SLC41A2: variants seen among roughly 807,000 people sequenced by gnomAD.
SLC41A2 encodes solute carrier family 41 member 2, also known as SLC41A1-like 1.
SLC41A2 carries 32 observed loss-of-function variants against 58.3 expected under a neutral mutation model. That is an observed-to-expected ratio of 0.55 (90% CI 0.41 to 0.74). The LOEUF is 0.74. Among genes scored for constraint, SLC41A2 ranks in the 30% least tolerant of loss-of-function variants. SLC41A2 has a pLI of 0.00. For missense variants in SLC41A2, 514 were observed against 680.6 expected, an observed-to-expected ratio of 0.76 and a Z score of 2.72; for synonymous variants, 190 against 235.0, an observed-to-expected ratio of 0.81 and a Z score of 1.75.
intron 10 of SLC41A2, among the ~76,000 whole-genome samples, chr12:104,829,715 A>T (rs781700110): frequency 6.6e-6 from 1 of 152,130 alleles, no homozygotes; most frequent in Non-Finnish European, 1.5e-5. Context: ...TCCAAGCAAC[A>T]GCCTTTAGCC....
At chr12:104,954,614 A>G (rs2048077332) in intron 1 of SLC41A2, among the ~76,000 whole-genome samples, 1 of 152,256 alleles carries the variant, frequency 6.6e-6, no homozygotes, top group African/African-American at 2.4e-5. Flanking sequence ...TACGTTTGAT[A>G]ATAATTTCAT....
In SLC41A2 at chr12:104,853,926, T is replaced by TTTATTTTTA. The variant is rs1565842738; in HGVS notation, c.1255+7364_1255+7365insTAAAAATAA. Among the ~76,000 whole-genome samples, 14 of 118,850 alleles carry TTTATTTTTA rather than the reference T, an allele frequency of 1.2e-4. 1 individual carries two copies. Among genetic ancestry groups the TTTATTTTTA allele is most frequent in the African/African-American group, 4.0e-4 (13 of 32,480 alleles). The allele number at this position is 118,850 out of a possible 152,430, so 78.0% of individuals were successfully genotyped here. On this transcript the variant is annotated intron_variant, in intron 8 of 10. Coordinates refer to ENST00000258538, the MANE Select transcript of SLC41A2 (RefSeq NM_001352171.3). ...TGCCTGGCTGATTTTTTTTTTTTTTTTTTTTTTTTTTTTAGTAGAACTGAG... is the reference window on the plus strand; with the variant it reads ...TGCCTGGCTGATTTTTTTTTTTTTTTTTATTTTTATTTTTTTTTTTTTAGTAGAACTGAG...
chr12:104,955,867 T>C (rs2048147753), intron 1 of SLC41A2, among the ~76,000 whole-genome samples: 1 of 152,122 alleles, frequency 6.6e-6, no homozygotes, highest in African/African-American at 2.4e-5. Context: ...CTCTTAACTT[T>C]AGTGCCATCA....
chr12:104,944,578 C>T (rs931704215), intron 1 of SLC41A2, among the ~76,000 whole-genome samples: 1 of 152,200 alleles, frequency 6.6e-6, no homozygotes, highest in African/African-American at 2.4e-5. Context: ...TTCTCTTCTA[C>T]CCTTTGGTCA....
intron 1 of SLC41A2, among the ~76,000 whole-genome samples, chr12:104,956,090 G>C (rs569269711): frequency 6.6e-6 from 1 of 152,214 alleles, no homozygotes; most frequent in African/African-American, 2.4e-5. Context: ...ATTGAGCATA[G>C]AATATATGAA....
chr12:104,869,210 C>T (rs10861284), intron 6 of SLC41A2, among the ~76,000 whole-genome samples: 11,327 of 152,140 alleles, frequency 0.074, 481 homozygotes, highest in Middle Eastern at 0.11. Flanking sequence ...AATTAGATCA[C>T]GGTGATCCTT....
chr12:104,853,911 A>ATTTTTTTTT (rs1555202443), intron 8 of SLC41A2, among the ~76,000 whole-genome samples: 10 of 59,496 alleles, frequency 1.7e-4, no homozygotes, highest in African/African-American at 6.2e-4. Context: ...TGCCTGGCTG[A>ATTTTTTTTT]TTTTTTTTTT....
At chr12:104,928,735 A>G in intron 1 of SLC41A2, 41 bp from the exon 2 acceptor site, 1 of 409,090 alleles carries the variant, frequency 2.4e-6, no homozygotes, top group East Asian at 3.6e-5. Flanking sequence ...GAGAAACAAG[A>G]TAGTTTCAGT....
intron 3 of SLC41A2, among the ~76,000 whole-genome samples, chr12:104,901,205 T>C (rs1565886492): frequency 6.6e-6 from 1 of 152,156 alleles, no homozygotes; most frequent in Non-Finnish European, 1.5e-5. Context: ...TTTTTTTTTT[T>C]CAAATACTGT....
chr12:104,896,306 T>C (rs1163238062), intron 3 of SLC41A2, among the ~76,000 whole-genome samples: 2 of 152,236 alleles, frequency 1.3e-5, no homozygotes, highest in Admixed American at 6.5e-5. Flanking sequence ...CTGTGGACTT[T>C]AGTCTCAAAG....
At chr12:104,851,585 A>G (rs1216005981) in intron 8 of SLC41A2, among the ~76,000 whole-genome samples, 1 of 152,024 alleles carries the variant, frequency 6.6e-6, no homozygotes, top group Non-Finnish European at 1.5e-5. Flanking sequence ...ATGGGGTCTC[A>G]CTGTGTTGCC....
intron 10 of SLC41A2, among the ~76,000 whole-genome samples, chr12:104,838,747 A>T (rs1022246059): frequency 6.6e-6 from 1 of 152,182 alleles, no homozygotes; most frequent in Non-Finnish European, 1.5e-5. Context: ...AAAAGACTGT[A>T]TTGTTATAAG....
rs925423415 is a variant in SLC41A2, at chr12:104,938,246, G to A, written c.-167-9552C>T. ...GAAGTGATACAAAAGCACCCAGGAG[G>A]TTCCAAAGGTATTGGTTATATTTTT... On this transcript the variant is annotated intron_variant, in intron 1 of 10. Coordinates refer to ENST00000258538, the MANE Select transcript of SLC41A2 (RefSeq NM_001352171.3). 1.1e-4 allele frequency among the ~76,000 whole-genome samples: 16 copies of A among 152,196 alleles called. No individual in the cohort carries two copies. The South Asian group carries it at 2.1e-3, about 20-fold the overall frequency.
At position 104,882,338 on chromosome 12, in the gene SLC41A2, G is replaced by T. The variant is rs533667079; in HGVS notation, c.1027+3955C>A. On this transcript the variant is annotated intron_variant, in intron 6 of 10. Coordinates refer to ENST00000258538, the MANE Select transcript of SLC41A2 (RefSeq NM_001352171.3). ...TTACATTTAACATTAATATTGTTAT[G>T]TGTGAATTTGATCCTGTCATCATGA... 6.6e-5 allele frequency among the ~76,000 whole-genome samples: 10 copies of T among 152,260 alleles called. No homozygotes were observed. The South Asian group carries it at 1.5e-3, about 22-fold the overall frequency.
At chr12:104,846,750 A>AG (rs1451193975) in intron 8 of SLC41A2, among the ~76,000 whole-genome samples, 1 of 152,188 alleles carries the variant, frequency 6.6e-6, no homozygotes, top group African/African-American at 2.4e-5. Flanking sequence ...CACTTAGCAC[A>AG]GGGTAGCCGG....
At chr12:104,843,494 A>G (rs904733883) in intron 10 of SLC41A2, among the ~76,000 whole-genome samples, 1 of 151,998 alleles carries the variant, frequency 6.6e-6, no homozygotes, top group Non-Finnish European at 1.5e-5. Flanking sequence ...CAACCTTCTT[A>G]ACCTTATCTT....
intron 1 of SLC41A2, among the ~76,000 whole-genome samples, chr12:104,945,585 T>C (rs1418833427): frequency 1.4e-5 from 2 of 144,934 alleles, no homozygotes; most frequent in Non-Finnish European, 3.0e-5. Flanking sequence ...TCCAGAGATA[T>C]TGGTATATAT....
At chr12:104,851,094 A>G (rs1336424090) in intron 8 of SLC41A2, among the ~76,000 whole-genome samples, 1 of 152,196 alleles carries the variant, frequency 6.6e-6, no homozygotes, top group Non-Finnish European at 1.5e-5. Context: ...ATGCTGAGAG[A>G]ATTAAATAAA....
At chr12:104,912,356 C>T (rs1334770688) in intron 2 of SLC41A2, among the ~76,000 whole-genome samples, 1 of 152,146 alleles carries the variant, frequency 6.6e-6, no homozygotes, top group Non-Finnish European at 1.5e-5. Flanking sequence ...ACTTTCAAAC[C>T]ACCCCCACCC....
Sources: allele counts gnomAD v4.1 joint callset (sites outside exome capture counted in the v4.1 genomes callset), GRCh38; gene constraint gnomAD v4.1.1; transcripts MANE v1.5; gene names NCBI Gene and HGNC (gene_info 2026-07-23, HGNC 2026-07-21).